Variants in MEIG1 observed in about 807,000 individuals in gnomAD.
MEIG1 encodes meiosis expressed gene 1 protein homolog.
In MEIG1, 12 loss-of-function variants were observed where a neutral mutation model predicts 11.3. That is an observed-to-expected ratio of 1.07 (90% CI 0.68 to 1.73). The LOEUF (loss-of-function observed/expected upper bound fraction) is 1.73. MEIG1 is among the 40% of genes most tolerant of loss of function. The probability of loss-of-function intolerance (pLI) is 0.00; values close to 1 mark genes in which losing one functional copy is unlikely to be tolerated. For missense variants in MEIG1, 119 were observed against 104.9 expected, an observed-to-expected ratio of 1.13 and a Z score of -0.59; for synonymous variants, 41 against 33.2, an observed-to-expected ratio of 1.24 and a Z score of -0.81.
downstream of MEIG1, among the ~76,000 whole-genome samples, chr10:14,975,205 A>G (rs1564507751): frequency 6.6e-6 from 1 of 152,050 alleles, no homozygotes; most frequent in Non-Finnish European, 1.5e-5. Context: ...TTTCTGTGAC[A>G]TTGTTCCTAA....
downstream of MEIG1, among the ~76,000 whole-genome samples, chr10:14,974,280 T>C (rs1843187585): frequency 6.6e-6 from 1 of 152,162 alleles, no homozygotes; most frequent in African/African-American, 2.4e-5. Context: ...TGGAGCCCTC[T>C]CCGCCTTTCA....
chr10:14,986,265 T>C (rs10796230), intron 1 of MEIG1, among the ~76,000 whole-genome samples: 44,362 of 152,048 alleles, frequency 0.29, 6,760 homozygotes, highest in African/African-American at 0.39. Flanking sequence ...GCAGAGGATC[T>C]GGTGAGCCAA....
At chr10:14,980,237 A>G (rs558418423) in intron 1 of MEIG1, among the ~76,000 whole-genome samples, 1 of 152,114 alleles carries the variant, frequency 6.6e-6, no homozygotes, top group Non-Finnish European at 1.5e-5. Flanking sequence ...ATTGTGTACA[A>G]TTTGTTATAT....
intron 1 of MEIG1, among the ~76,000 whole-genome samples, chr10:14,961,845 T>C (rs1299968630): frequency 6.6e-6 from 1 of 151,742 alleles, no homozygotes; most frequent in Non-Finnish European, 1.5e-5. Flanking sequence ...CTCATTCTTG[T>C]CTCCCAGGCT....
intron 1 of MEIG1, among the ~76,000 whole-genome samples, chr10:14,981,861 G>A (rs1441480252): frequency 2.0e-5 from 3 of 152,292 alleles, no homozygotes; most frequent in East Asian, 3.9e-4. Flanking sequence ...GCTTCTTTGG[G>A]GGGACCCCTC....
chr10:14,954,387 G>A, the MEIG1 span: 1 of 360,212 alleles, frequency 2.8e-6, no homozygotes, highest in Non-Finnish European at 5.4e-6. Context: ...CAGCCGACGA[G>A]GTGAGTGGGC....
chr10:14,965,251 A>G (rs1256338965), intron 1 of MEIG1, among the ~76,000 whole-genome samples: 4 of 152,252 alleles, frequency 2.6e-5, no homozygotes, highest in South Asian at 4.1e-4. Flanking sequence ...TCAAGGAATC[A>G]TAGTGAAAAT....
In MEIG1 at chr10:14,987,221, ATG is replaced by A. The variant is rs1843327734; in HGVS notation, n.285+209_285+210del. On this transcript the variant is annotated intron_variant and non_coding_transcript_variant, in intron 2 of 2. Coordinates refer to the MEIG1 transcript ENST00000467536. ...GGGAACCGTGGCCGAAGTGAACCCG[ATG>A]TCAGCCCAGCACAGGTTGGAGAGGA... 22 of 961,706 alleles carry A rather than the reference ATG, an allele frequency of 2.3e-5. 1 individual carries two copies. The South Asian group carries it at 2.8e-4, about 12-fold the overall frequency. 59.6% of individuals were successfully genotyped at this position (961,706 alleles called of 1,614,324 possible).
intron 1 of MEIG1, among the ~76,000 whole-genome samples, chr10:14,983,856 G>A (rs1265744751): frequency 6.6e-6 from 1 of 151,874 alleles, no homozygotes. Context: ...ACCACCCCAG[G>A]GATATTGTTC....
At chr10:14,984,832 G>T (rs1410292011) in intron 1 of MEIG1, among the ~76,000 whole-genome samples, 2 of 150,934 alleles carry the variant, frequency 1.3e-5, no homozygotes, top group African/African-American at 4.9e-5. Context: ...CACAGTGATG[G>T]TATGTGCAAT....
intron 1 of MEIG1, among the ~76,000 whole-genome samples, chr10:14,963,680 C>G (rs981481759): frequency 2.6e-5 from 4 of 152,252 alleles, no homozygotes; most frequent in Non-Finnish European, 5.9e-5. Flanking sequence ...TACTGTAAAA[C>G]TGGACCGGGT....
intron 1 of MEIG1, among the ~76,000 whole-genome samples, chr10:14,961,802 TA>T (rs1452844271): frequency 6.6e-6 from 1 of 151,536 alleles, no homozygotes; most frequent in East Asian, 1.9e-4. Flanking sequence ...TTTATTTATT[TA>T]TTTTTTTAAC....
the MEIG1 span, chr10:14,954,237 C>G: frequency 1.5e-6 from 1 of 660,864 alleles, no homozygotes; most frequent in Non-Finnish European, 2.6e-6. Flanking sequence ...CTTCGCTGCA[C>G]GCGATGGGCC....
upstream of MEIG1, among the ~76,000 whole-genome samples, chr10:14,958,689 G>A (rs1032542581): frequency 6.6e-6 from 1 of 152,182 alleles, no homozygotes; most frequent in African/African-American, 2.4e-5. Context: ...GAGGTCAGGA[G>A]ATCGAGATCA....
chr10:14,983,994 T>A (rs184618972), intron 1 of MEIG1, among the ~76,000 whole-genome samples: 1 of 152,108 alleles, frequency 6.6e-6, no homozygotes, highest in Admixed American at 6.5e-5. Flanking sequence ...GCTGGGGGTA[T>A]AAACACTCCC....
intron 1 of MEIG1, among the ~76,000 whole-genome samples, chr10:14,963,093 T>A (rs1843034430): frequency 6.8e-6 from 1 of 148,074 alleles, no homozygotes; most frequent in Admixed American, 6.8e-5. Context: ...ATTCACTAAC[T>A]TTTTTTTTTC....
intron 1 of MEIG1, among the ~76,000 whole-genome samples, chr10:14,984,839 C>T (rs1378464614): frequency 6.6e-6 from 1 of 150,662 alleles, no homozygotes; most frequent in Non-Finnish European, 1.5e-5. Flanking sequence ...ATGGTATGTG[C>T]AATATTCTAT....
At chr10:14,958,624 C>T (rs533029108), upstream of MEIG1, among the ~76,000 whole-genome samples, 8 of 152,274 alleles carry the variant, frequency 5.3e-5, no homozygotes, top group East Asian at 1.4e-3. Context: ...TGGCCGGGCG[C>T]GGTGGCTCAC....
upstream of MEIG1, among the ~76,000 whole-genome samples, chr10:14,955,292 A>G (rs1842916029): frequency 6.6e-6 from 1 of 152,206 alleles, no homozygotes; most frequent in South Asian, 2.1e-4. Flanking sequence ...GGTAGCATTC[A>G]ATCTATCTGG....
Sources: gnomAD v4.1 joint callset for allele counts (sites outside exome capture counted in the v4.1 genomes callset) on GRCh38, gnomAD v4.1.1 for gene constraint, MANE v1.5 for transcripts, NCBI Gene and HGNC (gene_info 2026-07-23, HGNC 2026-07-21) for gene names.